CSMD1: variants seen among roughly 807,000 people sequenced by gnomAD.
CSMD1 encodes the protein CUB and Sushi multiple domains 1, also known as CUB and sushi domain-containing protein 1.
A neutral mutation model predicts 417.5 loss-of-function variants in CSMD1; 213 were observed. That is an observed-to-expected ratio of 0.51 (90% confidence interval 0.46 to 0.57). CSMD1 has a LOEUF of 0.57. Among genes scored for constraint, CSMD1 ranks in the 20% least tolerant of loss-of-function variants. The pLI is 0.00. For synonymous variants in CSMD1, 2,862 were observed against 1,736.8 expected, an observed-to-expected ratio of 1.65 and a Z score of -16.11; for missense variants, 6,923 against 4,529.7, an observed-to-expected ratio of 1.53 and a Z score of -15.17.
Position 4,994,450 on chromosome 8 carries a change from T to A in CSMD1, c.-34A>T. On this transcript the variant is annotated 5_prime_UTR_variant, in exon 1 of 70. Coordinates refer to ENST00000635120, the MANE Select transcript of CSMD1 (RefSeq NM_033225.6). ...ATACTCCACACGCACGCGACACCGA[T>A]GGCTCCTCCGAGGAAGGCAGGGCTA... 6.3e-7 allele frequency: 1 copy of A among 1,583,262 alleles called. No individual in the cohort carries two copies.
At chr8:4,106,376 A>C (rs1396559048) in intron 3 of CSMD1, among the ~76,000 whole-genome samples, 1 of 152,210 alleles carries the variant, frequency 6.6e-6, no homozygotes, top group Non-Finnish European at 1.5e-5. Flanking sequence ...ATTCAATTAC[A>C]ATGCTGCATA....
chr8:3,456,329 A>C (rs1041651349), intron 12 of CSMD1, among the ~76,000 whole-genome samples: 5 of 74,790 alleles, frequency 6.7e-5, no homozygotes, highest in African/African-American at 2.5e-4. Context: ...GACACTCCCC[A>C]GTGACATGAA....
intron 4 of CSMD1, among the ~76,000 whole-genome samples, chr8:4,028,357 T>A (rs777678089): frequency 1.3e-5 from 2 of 152,152 alleles, no homozygotes; most frequent in Non-Finnish European, 2.9e-5. Context: ...AGATTAAATT[T>A]GCTAAAGTAG....
At chr8:3,581,470 C>T (rs1375621865) in intron 9 of CSMD1, among the ~76,000 whole-genome samples, 4 of 152,212 alleles carry the variant, frequency 2.6e-5, no homozygotes, top group Non-Finnish European at 5.9e-5. Context: ...CATTGGCTAA[C>T]CACACCAGCC....
At chr8:4,756,036 A>G (rs1332037031) in intron 1 of CSMD1, among the ~76,000 whole-genome samples, 6 of 152,242 alleles carry the variant, frequency 3.9e-5, no homozygotes, top group African/African-American at 1.4e-4. Context: ...TTAGTTCACA[A>G]ATACAAATGC....
chr8:4,082,882 G>C (rs756190136), intron 3 of CSMD1, among the ~76,000 whole-genome samples: 4 of 150,158 alleles, frequency 2.7e-5, no homozygotes, highest in African/African-American at 4.9e-5. Context: ...TTTTGTCCTT[G>C]TGATACTTTA....
intron 1 of CSMD1, among the ~76,000 whole-genome samples, chr8:4,852,789 G>C (rs1005797252): frequency 2.6e-5 from 4 of 152,212 alleles, no homozygotes; most frequent in African/African-American, 9.6e-5. Flanking sequence ...AGGCTGATGA[G>C]GTCTTAGATG....
intron 7 of CSMD1, among the ~76,000 whole-genome samples, chr8:3,707,705 C>G (rs544654540): frequency 3.3e-5 from 5 of 152,258 alleles, no homozygotes; most frequent in African/African-American, 1.2e-4. Context: ...AGTGAGTCTC[C>G]AAGGAGCACA....
intron 3 of CSMD1, among the ~76,000 whole-genome samples, chr8:4,368,958 T>G (rs946526579): frequency 6.6e-6 from 1 of 152,150 alleles, no homozygotes; most frequent in Admixed American, 6.5e-5. Context: ...TTCATTCAGT[T>G]CAGCTCTGAT....
intron 3 of CSMD1, among the ~76,000 whole-genome samples, chr8:4,249,159 T>G (rs1802894090): frequency 1.3e-5 from 2 of 152,186 alleles, no homozygotes; most frequent in African/African-American, 2.4e-5. Context: ...TTAACATATA[T>G]TAAGAGAATG....
chr8:4,494,671 T>A (rs1457760024), intron 2 of CSMD1, among the ~76,000 whole-genome samples: 1 of 152,156 alleles, frequency 6.6e-6, no homozygotes, highest in Non-Finnish European at 1.5e-5. Flanking sequence ...TTCATCACCA[T>A]TCCTGCCATT....
intron 6 of CSMD1, among the ~76,000 whole-genome samples, chr8:3,733,692 T>C (rs889208127): frequency 6.6e-6 from 1 of 152,150 alleles, no homozygotes; most frequent in Non-Finnish European, 1.5e-5. Context: ...AGTCACTCAG[T>C]GCCCATCTCA....
intron 1 of CSMD1, among the ~76,000 whole-genome samples, chr8:4,743,106 T>C (rs960988603): frequency 8.5e-5 from 13 of 152,132 alleles, no homozygotes; most frequent in African/African-American, 9.7e-5. Flanking sequence ...CAGTATATAA[T>C]CTGAAAATAA....
At chr8:3,837,725 C>G (rs926275686) in intron 5 of CSMD1, among the ~76,000 whole-genome samples, 4 of 152,054 alleles carry the variant, frequency 2.6e-5, no homozygotes, top group Admixed American at 1.3e-4. Flanking sequence ...CATAACTACC[C>G]TCTCCTTAAA....
intron 26 of CSMD1, among the ~76,000 whole-genome samples, chr8:3,243,312 C>T (rs1424976158): frequency 1.3e-5 from 2 of 152,160 alleles, no homozygotes; most frequent in Non-Finnish European, 2.9e-5. Context: ...CGAGTCACAG[C>T]ACCACATTTC....
chr8:4,181,804 A>G (rs1322702668), intron 3 of CSMD1, among the ~76,000 whole-genome samples: 2 of 152,248 alleles, frequency 1.3e-5, no homozygotes, highest in African/African-American at 2.4e-5. Flanking sequence ...CTAATTGACT[A>G]TGCAGCAAAT....
intron 1 of CSMD1, among the ~76,000 whole-genome samples, chr8:4,823,310 T>C (rs1401666013): frequency 6.6e-6 from 1 of 152,082 alleles, no homozygotes; most frequent in Non-Finnish European, 1.5e-5. Flanking sequence ...TTCCAGATTT[T>C]AGTTCTGTGA....
chr8:3,804,690 G>A (rs770425444), intron 5 of CSMD1, among the ~76,000 whole-genome samples: 7 of 152,142 alleles, frequency 4.6e-5, no homozygotes, highest in Non-Finnish European at 8.8e-5. Flanking sequence ...ATGTGAGTAG[G>A]AAGAAAAATG....
At chr8:3,255,965 G>A (rs555659505) in intron 26 of CSMD1, among the ~76,000 whole-genome samples, 4 of 152,276 alleles carry the variant, frequency 2.6e-5, no homozygotes, top group Non-Finnish European at 5.9e-5. Flanking sequence ...CGTTCATGCT[G>A]GGAGCTGTAG....
Sources: allele counts gnomAD v4.1 joint callset (sites outside exome capture counted in the v4.1 genomes callset), GRCh38; gene constraint gnomAD v4.1.1; transcripts MANE v1.5; gene names NCBI Gene and HGNC (gene_info 2026-07-23, HGNC 2026-07-21).